Variants in SYT13 observed in about 807,000 individuals in gnomAD.
SYT13 encodes synaptotagmin 13.
Under a neutral mutation model 38.6 loss-of-function variants are expected in SYT13, and 21 were observed. The ratio of observed to expected loss-of-function variants is 0.54; its 90% confidence interval spans 0.39 to 0.78. The LOEUF is 0.78. SYT13 is among the 30% of genes least tolerant of loss of function. SYT13 has a pLI of 0.00. For synonymous variants in SYT13, 241 were observed against 237.6 expected (o/e 1.01, Z -0.13); for missense variants, 495 against 548.7 (o/e 0.90, Z 0.98).
At position 45,244,194 on chromosome 11, in the gene SYT13, C is replaced by A. The variant is rs781660259; in HGVS notation, c.1139G>T (p.Gly380Val). The change falls in exon 6 of 6, where the codon GGC (glycine) becomes GTC (valine). Residue 380 changes from glycine to valine, a missense_variant. Physicochemically the swap from Gly to Val is moderately radical, Grantham distance 109. Coordinates refer to ENST00000020926, the MANE Select transcript of SYT13 (RefSeq NM_020826.3). ...QASSVELEVL[G>V]QDDSGQSCAL... ...ACAGCTCTGCCCTGAATCGTCCTGG[C>A]CCAGCACTTCCAGCTCCACACTGGA... The A allele has an allele frequency of 6.2e-7, 1 of 1,613,880 alleles. No individual in the cohort carries two copies. Among genetic ancestry groups the A allele is most frequent in the Non-Finnish European group, 8.5e-7 (1 of 1,180,048 alleles).
chr11:45,261,866 A>C (rs1854821253), intron 1 of SYT13, among the ~76,000 whole-genome samples: 1 of 151,720 alleles, frequency 6.6e-6, no homozygotes, highest in Non-Finnish European at 1.5e-5. Context: ...CAGTGAGCCA[A>C]GATCATGCCA....
intron 1 of SYT13, among the ~76,000 whole-genome samples, chr11:45,268,495 A>G (rs973081803): frequency 1.3e-5 from 2 of 152,206 alleles, no homozygotes; most frequent in African/African-American, 2.4e-5. Context: ...CATCATATGC[A>G]GCTTTACCAT....
At chr11:45,249,586 C>T (rs1191774608) in intron 4 of SYT13, among the ~76,000 whole-genome samples, 1 of 152,190 alleles carries the variant, frequency 6.6e-6, no homozygotes, top group Admixed American at 6.5e-5. Context: ...GGAATGAGAT[C>T]ATGTCCTTTG....
intron 5 of SYT13, among the ~76,000 whole-genome samples, chr11:45,245,523 C>T (rs1046707819): frequency 6.6e-6 from 1 of 152,338 alleles, no homozygotes. Context: ...CCATTAGCCC[C>T]AAGTCTTTTG....
chr11:45,254,332 T>G lies in SYT13; in HGVS notation c.482A>C (p.Lys161Thr), dbSNP rs1281849129. 7.4e-6 allele frequency: 12 copies of G among 1,613,686 alleles called. No homozygotes were observed. Among genetic ancestry groups the G allele is most frequent in the Admixed American group, 6.7e-5 (4 of 59,960 alleles). ...GTCATAGTCCAGGCAGTAGTGGAGT[T>G]TGGGGGCCTGGTTCCAACTGGCAGC... ...EKAASWNQAPKLHYCLDYDCQ... is the reference protein window; with the variant it reads ...EKAASWNQAPTLHYCLDYDCQ... Residue 161 changes from lysine to threonine, a missense_variant, in exon 3 of 6, where the codon AAA (lysine) becomes ACA (threonine). Transcript: ENST00000020926.
chr11:45,267,100 C>A (rs1252734160), intron 1 of SYT13, among the ~76,000 whole-genome samples: 1 of 152,154 alleles, frequency 6.6e-6, no homozygotes, highest in African/African-American at 2.4e-5. Context: ...ATATTGTCAA[C>A]TTCATTTTAC....
Position 45,243,291 on chromosome 11 carries a change from A to C in SYT13, c.*761T>G, listed in dbSNP as rs975384073. The stretch of plus-strand genomic sequence containing the variant: ...CACAAATTAAAGTATTAAGAATTAA[A>C]ATAATTAAATTAAAAAGCTGAGGCC... On this transcript the variant is annotated 3_prime_UTR_variant, in exon 6 of 6. Coordinates refer to ENST00000020926, the MANE Select transcript of SYT13 (RefSeq NM_020826.3). The C allele has an allele frequency of 1.3e-5, 2 of 152,264 alleles. No individual in the cohort carries two copies. Among genetic ancestry groups the C allele is most frequent in the Non-Finnish European group, 2.9e-5 (2 of 68,046 alleles). The allele number at this position is 152,264 out of a possible 1,614,324, so 9.4% of individuals were successfully genotyped here.
chr11:45,256,230 T>A (rs1854745627), intron 1 of SYT13, among the ~76,000 whole-genome samples: 1 of 152,026 alleles, frequency 6.6e-6, no homozygotes, highest in Non-Finnish European at 1.5e-5. Context: ...TTCTCCCTTC[T>A]CCCTTCCTCC....
intron 1 of SYT13, among the ~76,000 whole-genome samples, chr11:45,281,313 G>C (rs1590534785): frequency 2.0e-5 from 3 of 152,234 alleles, no homozygotes; most frequent in East Asian, 1.9e-4. Context: ...CTGCTGGAAA[G>C]AGGATGGGAT....
intron 4 of SYT13, among the ~76,000 whole-genome samples, chr11:45,249,509 C>G (rs1220231597): frequency 6.6e-6 from 1 of 152,198 alleles, no homozygotes; most frequent in Non-Finnish European, 1.5e-5. Flanking sequence ...AAATGTCCAT[C>G]AATGATAGAC....
intron 1 of SYT13, chr11:45,269,264 T>A (rs1854920586): frequency 3.0e-6 from 1 of 332,954 alleles, no homozygotes; most frequent in Non-Finnish European, 5.5e-6. Flanking sequence ...AGGAGGAGGG[T>A]GAATGTTGCT....
intron 1 of SYT13, among the ~76,000 whole-genome samples, chr11:45,262,723 A>ACACACTCCTAT (rs1854833199): frequency 1.3e-5 from 1 of 74,266 alleles, no homozygotes; most frequent in Admixed American, 1.2e-4. Context: ...AGATCCTATC[A>ACACACTCCTAT]CACACACACA....
chr11:45,284,443 T>C (rs1028634684), intron 1 of SYT13, among the ~76,000 whole-genome samples: 8 of 152,170 alleles, frequency 5.3e-5, no homozygotes, highest in African/African-American at 1.9e-4. Context: ...TGGCACACAG[T>C]GTATGCTATG....
In SYT13 at chr11:45,286,283, C is replaced by T. The variant is rs1855135832; in HGVS notation, c.-76G>A. On this transcript the variant is annotated 5_prime_UTR_variant, in exon 1 of 6. Transcript: ENST00000020926. ...GGGCCGGGCCCGCCTCCAGGCAGCTCCCGGGATCCGGGCGAGCCAGCAGCT... is the reference window on the plus strand; with the variant it reads ...GGGCCGGGCCCGCCTCCAGGCAGCTTCCGGGATCCGGGCGAGCCAGCAGCT... The T allele has an allele frequency of 1.4e-6, 2 of 1,433,714 alleles. No homozygotes were observed. Among genetic ancestry groups the T allele is most frequent in the Non-Finnish European group, 1.8e-6 (2 of 1,096,056 alleles). The allele number at this position is 1,433,714 out of a possible 1,614,324, so 88.8% of individuals were successfully genotyped here. A position where few individuals can be genotyped will look rare whatever the true frequency, so the allele number is the denominator to read the frequency against.
At chr11:45,248,712 G>A (rs529668926) in intron 4 of SYT13, among the ~76,000 whole-genome samples, 1 of 152,318 alleles carries the variant, frequency 6.6e-6, no homozygotes, top group South Asian at 2.1e-4. Context: ...GAGGGCCACA[G>A]GTAGCCCGGG....
chr11:45,254,247 C>G (rs778651161), intron 3 of SYT13, 23 bp downstream of exon 3: 1 of 1,593,688 alleles, frequency 6.3e-7, no homozygotes, highest in Non-Finnish European at 8.5e-7. Flanking sequence ...CAGAAGCCCA[C>G]GAGAGTCAAA....
chr11:45,255,831 T>C lies in SYT13; in HGVS notation c.244A>G (p.Ile82Val). 2 of 1,614,192 alleles carry C rather than the reference T, an allele frequency of 1.2e-6. No homozygotes were observed. The highest frequency in any genetic ancestry group is 1.7e-6 in the Non-Finnish European group (2 of 1,180,040). Residue 82 changes from isoleucine to valine, a missense_variant, in exon 2 of 6, where the codon ATC (isoleucine) becomes GTC (valine). Ile to Val is a conservative substitution (Grantham distance 29, BLOSUM62 3). Coordinates refer to ENST00000020926, the MANE Select transcript of SYT13 (RefSeq NM_020826.3). ...GTCACAGCTGGCCTGGGTCCATAGA[T>C]GTCTGGGAACTTGAGGAGGGCACGG... The part of the protein sequence containing the change: ...QPRALLKFPD[I>V]YGPRPAVTAP...
At chr11:45,280,319 T>C (rs1244816560) in intron 1 of SYT13, among the ~76,000 whole-genome samples, 1 of 151,768 alleles carries the variant, frequency 6.6e-6, no homozygotes, top group Admixed American at 6.6e-5. Context: ...GAGGTGGCCA[T>C]GGGAGAAACA....
At chr11:45,261,005 T>C (rs1854808664) in intron 1 of SYT13, among the ~76,000 whole-genome samples, 1 of 152,164 alleles carries the variant, frequency 6.6e-6, no homozygotes, top group Non-Finnish European at 1.5e-5. Flanking sequence ...TAAAGCTCCA[T>C]AGGGGAACTC....
Sources: gnomAD v4.1 joint callset for allele counts (sites outside exome capture counted in the v4.1 genomes callset) on GRCh38, gnomAD v4.1.1 for gene constraint, MANE v1.5 for transcripts, NCBI Gene and HGNC (gene_info 2026-07-23, HGNC 2026-07-21) for gene names.